The following DSCAM variants were observed in gnomAD, a reference collection of about 807,000 sequenced individuals.
DSCAM encodes the protein DS cell adhesion molecule, also known as cell adhesion molecule DSCAM.
DSCAM carries 47 observed loss-of-function variants against 217.7 expected under a neutral mutation model. The ratio of observed to expected loss-of-function variants is 0.22; its 90% CI spans 0.17 to 0.28. The LOEUF (loss-of-function observed/expected upper bound fraction) is 0.28, where lower values mean the gene tolerates loss of function less well. Ranked by LOEUF, DSCAM falls within the 10% of genes least tolerant of loss-of-function variation. The pLI is 1.00. For missense variants in DSCAM, 2,080 were observed against 2,618.3 expected, an observed-to-expected ratio of 0.79 and a Z score of 4.49; for synonymous variants, 1,056 against 1,015.3, an observed-to-expected ratio of 1.04 and a Z score of -0.76.
At chr21:40,633,915 G>A (rs556570361) in intron 3 of DSCAM, among the ~76,000 whole-genome samples, 50 of 152,240 alleles carry the variant, frequency 3.3e-4, no homozygotes, top group Non-Finnish European at 5.6e-4. Flanking sequence ...GGAATGATGC[G>A]CCCCAGAGAT....
chr21:40,840,235 C>T (rs755792544), intron 1 of DSCAM, among the ~76,000 whole-genome samples: 1 of 152,034 alleles, frequency 6.6e-6, no homozygotes, highest in Non-Finnish European at 1.5e-5. Context: ...AAGATAATGA[C>T]AAAAAACCCA....
chr21:40,819,654 A>G (rs2091910371), intron 1 of DSCAM, among the ~76,000 whole-genome samples: 1 of 152,168 alleles, frequency 6.6e-6, no homozygotes, highest in Admixed American at 6.5e-5. Context: ...GGATATATTG[A>G]TCTGCATTGG....
At chr21:40,382,909 C>T (rs16999719) in intron 3 of DSCAM, among the ~76,000 whole-genome samples, 1,545 of 152,262 alleles carry the variant, frequency 0.01, 26 homozygotes, top group African/African-American at 0.035. Context: ...TCCAAGTTAC[C>T]TAAAAGGCTA....
At chr21:40,072,493 C>T (rs2089307605) in intron 27 of DSCAM, among the ~76,000 whole-genome samples, 1 of 151,964 alleles carries the variant, frequency 6.6e-6, no homozygotes, top group South Asian at 2.1e-4. Flanking sequence ...ACTACAGGCG[C>T]CCGCCACCAC....
At chr21:40,588,501 A>G (rs1266547753) in intron 3 of DSCAM, among the ~76,000 whole-genome samples, 1 of 152,200 alleles carries the variant, frequency 6.6e-6, no homozygotes, top group African/African-American at 2.4e-5. Context: ...GTGATGAGGA[A>G]AAACTGTGGT....
chr21:40,459,092 G>A (rs948869392), intron 3 of DSCAM, among the ~76,000 whole-genome samples: 7 of 151,538 alleles, frequency 4.6e-5, no homozygotes, highest in East Asian at 3.9e-4. Flanking sequence ...AATAAAATAC[G>A]AACAAAAAAG....
intron 3 of DSCAM, among the ~76,000 whole-genome samples, chr21:40,396,738 C>T (rs1208745541): frequency 2.0e-5 from 3 of 152,222 alleles, no homozygotes; most frequent in Non-Finnish European, 4.4e-5. Flanking sequence ...CTACCACCAT[C>T]TACCACAGCT....
chr21:40,682,509 GAGAA>G (rs1429172182), intron 3 of DSCAM, among the ~76,000 whole-genome samples: 10 of 140,044 alleles, frequency 7.1e-5, no homozygotes, highest in African/African-American at 2.2e-4. Context: ...CAAAGAAAGA[GAGAA>G]AGAGAGAGAA....
chr21:40,691,611 C>A (rs1305257203), intron 3 of DSCAM, among the ~76,000 whole-genome samples: 1 of 152,152 alleles, frequency 6.6e-6, no homozygotes, highest in East Asian at 1.9e-4. Context: ...TTATTACAAT[C>A]GCATTTGAGT....
At chr21:40,497,506 CA>C (rs1482985803) in intron 3 of DSCAM, among the ~76,000 whole-genome samples, 4 of 151,880 alleles carry the variant, frequency 2.6e-5, no homozygotes, top group Non-Finnish European at 5.9e-5. Context: ...TCAAAGACGA[CA>C]AAATTTCAGT....
chr21:40,831,205 T>C (rs1042587100), intron 1 of DSCAM, among the ~76,000 whole-genome samples: 2 of 152,240 alleles, frequency 1.3e-5, no homozygotes, highest in Non-Finnish European at 2.9e-5. Flanking sequence ...AGAAGGCAAA[T>C]GTCCTTTCTC....
intron 10 of DSCAM, among the ~76,000 whole-genome samples, chr21:40,287,131 A>G (rs111524018): frequency 1.4e-3 from 191 of 138,766 alleles, no homozygotes; most frequent in African/African-American, 5.9e-3. Context: ...GGTCTGCAGC[A>G]TGATCTGCAG....
At chr21:40,023,169 A>C (rs542913136) in intron 32 of DSCAM, among the ~76,000 whole-genome samples, 1 of 151,884 alleles carries the variant, frequency 6.6e-6, no homozygotes, top group East Asian at 1.9e-4. Flanking sequence ...GATGATTTCC[A>C]ATTTCATCCA....
At chr21:40,454,281 T>C (rs2075745675) in intron 3 of DSCAM, among the ~76,000 whole-genome samples, 1 of 152,230 alleles carries the variant, frequency 6.6e-6, no homozygotes, top group African/African-American at 2.4e-5. Flanking sequence ...AGTCACGTGT[T>C]CGTATGTGGC....
At chr21:40,384,825 C>T (rs1482520897) in intron 3 of DSCAM, 2 of 152,182 alleles carry the variant, frequency 1.3e-5, no homozygotes. Flanking sequence ...TCTGTCCCTC[C>T]TCCAACTGCC....
chr21:40,821,364 C>T (rs893323702), intron 1 of DSCAM, among the ~76,000 whole-genome samples: 1 of 151,112 alleles, frequency 6.6e-6, no homozygotes, highest in Admixed American at 6.7e-5. Flanking sequence ...GATTTATGTG[C>T]ATGCATGCAC....
intron 1 of DSCAM, among the ~76,000 whole-genome samples, chr21:40,759,020 G>T (rs751431139): frequency 2.6e-5 from 4 of 152,140 alleles, no homozygotes; most frequent in African/African-American, 9.7e-5. Flanking sequence ...AGAGTACAGG[G>T]ATCCGGACTG....
rs2076167010 is a variant in DSCAM at position 40,501,087 on chromosome 21, C to G, written c.509-131842G>C. 2.0e-5 allele frequency among the ~76,000 whole-genome samples: 3 copies of G among 152,160 alleles called. No homozygotes were observed. The South Asian group carries it at 6.2e-4, about 32-fold the overall frequency. On this transcript the variant is annotated intron_variant, in intron 3 of 32. Transcript: ENST00000400454. ...GGTAGAATTAGTAGTCTCTTCTCAG[C>G]AGGGTTACCATATTTAGCTAATACA... is the stretch of plus-strand genomic sequence containing the variant.
intron 8 of DSCAM, among the ~76,000 whole-genome samples, chr21:40,322,222 T>A (rs2074267471): frequency 6.6e-6 from 1 of 152,154 alleles, no homozygotes; most frequent in Non-Finnish European, 1.5e-5. Flanking sequence ...CTGCTTCCTG[T>A]CGTGTGTTGC....
Sources: allele counts gnomAD v4.1 joint callset (sites outside exome capture counted in the v4.1 genomes callset), GRCh38; gene constraint gnomAD v4.1.1; transcripts MANE v1.5; gene names NCBI Gene and HGNC (gene_info 2026-07-23, HGNC 2026-07-21).